DNAH6: variants seen among roughly 807,000 people sequenced by gnomAD.
The protein encoded by DNAH6 is axonemal beta dynein heavy chain 6.
DNAH6 carries 340 observed loss-of-function variants against 491.4 expected under a neutral mutation model. The observed-to-expected ratio is 0.69, with a 90% CI of 0.63 to 0.76. The LOEUF is 0.76. DNAH6 is among the 30% of genes least tolerant of loss of function. DNAH6 has a pLI of 0.00. For missense variants in DNAH6, 4,443 were observed against 4,972.2 expected (o/e 0.89, Z 3.20); for synonymous variants, 1,603 against 1,686.1 (o/e 0.95, Z 1.21).
Position 84,787,069 on chromosome 2 carries a change from C to T in DNAH6, c.11101-95C>T, listed in dbSNP as rs898740424. 284 of 933,990 alleles carry T rather than the reference C, an allele frequency of 3.0e-4. 2 individuals are homozygous for T. Among genetic ancestry groups the T allele is most frequent in the Middle Eastern group, 2.3e-4 (1 of 4,270 alleles). 57.9% of individuals were successfully genotyped at this position (933,990 alleles called of 1,614,324 possible). On this transcript the variant is annotated intron_variant, in intron 67 of 76. Coordinates refer to ENST00000389394, the MANE Select transcript of DNAH6 (RefSeq NM_001370.2). The stretch of plus-strand genomic sequence containing the variant: ...ACTGATTTTGCAGTGTGGGGATGCC[C>T]ATTTTCAATGGAAATTTCTTTTTAG...
chr2:84,818,639 T>C lies in DNAH6; in HGVS notation c.12374-666T>C, dbSNP rs192272736. Among the ~76,000 whole-genome samples the C allele has an allele frequency of 5.3e-5, 8 of 152,160 alleles. No individual in the cohort carries two copies. In the East Asian group the frequency reaches 1.5e-3, roughly 29 times the overall value. ...CATAAAATCCAGATTCTGGGAAACT[T>C]AACAGGACAAACAGTCTGGTTGTTT... On this transcript the variant is annotated intron_variant, in intron 76 of 76. Coordinates refer to ENST00000389394, the MANE Select transcript of DNAH6 (RefSeq NM_001370.2).
intron 70 of DNAH6, among the ~76,000 whole-genome samples, chr2:84,802,086 A>G (rs1227753301): frequency 6.6e-6 from 1 of 152,158 alleles, no homozygotes; most frequent in Non-Finnish European, 1.5e-5. Context: ...TGAAAGAACA[A>G]TACATGTAAC....
chr2:84,581,038 T>C (rs549860608), intron 14 of DNAH6, among the ~76,000 whole-genome samples: 11 of 152,344 alleles, frequency 7.2e-5, no homozygotes, highest in African/African-American at 2.6e-4. Context: ...TCCCAAGCTA[T>C]AGCTTGCAAG....
intron 59 of DNAH6, among the ~76,000 whole-genome samples, chr2:84,720,263 G>GC (rs1697973791): frequency 7.3e-6 from 1 of 137,204 alleles, no homozygotes; most frequent in African/African-American, 2.7e-5. Context: ...TTCCAAGAGT[G>GC]CTTCTTTTTT....
At chr2:84,499,824 G>A in the DNAH6 span, among the ~76,000 whole-genome samples, 1 of 151,514 alleles carries the variant, frequency 6.6e-6, no homozygotes, top group African/African-American at 2.4e-5. Context: ...TTTGACATTT[G>A]TGCATCTTCT....
chr2:84,627,203 G>T (rs904881361), intron 29 of DNAH6, among the ~76,000 whole-genome samples: 2 of 152,176 alleles, frequency 1.3e-5, no homozygotes, highest in South Asian at 2.1e-4. Flanking sequence ...AGGCTTTTTT[G>T]AAACAAACTT....
chr2:84,605,560 G>A lies in DNAH6; in HGVS notation c.3142G>A (p.Val1048Met), dbSNP rs1685679391. The A allele has an allele frequency of 6.4e-7, 1 of 1,551,470 alleles. No homozygotes were observed. Among genetic ancestry groups the A allele is most frequent in the Admixed American group, 2.0e-5 (1 of 50,964 alleles). Residue 1048 changes from valine (V) to methionine (M), a missense_variant, in exon 20 of 77, where the codon GTG becomes ATG. Val to Met is a conservative substitution (Grantham distance 21, BLOSUM62 1). This residue lies in a region of DNAH6 where 2,977 missense variants were observed against 3,296.6 expected (regional missense o/e 0.90). Transcript: ENST00000389394. ...TCTGCCTCACCGTGACTCCAAAGAT[G>A]TGTTTATACTGGGCGGCACAGATGA... The part of the protein sequence containing the change: ...VILPHRDSKD[V>M]FILGGTDDIQ...
rs1418968947 is a variant in DNAH6, at chr2:84,637,426, T to C, written c.4821+49T>C. ...CAGAAATGTAAACTTCTTTCTTTTA[T>C]TTACCATTCGATTCTATCAAGGTAG... is the stretch of plus-strand genomic sequence containing the variant. On this transcript the variant is annotated intron_variant, in intron 31 of 76. Transcript: ENST00000389394. 14 of 1,468,216 alleles carry C rather than the reference T, an allele frequency of 9.5e-6. No individual in the cohort carries two copies. The East Asian group carries it at 2.3e-4, about 24-fold the overall frequency. The allele number at this position is 1,468,216 out of a possible 1,614,324, so 90.9% of individuals were successfully genotyped here. A position where few individuals can be genotyped will look rare whatever the true frequency, so the allele number is the denominator to read the frequency against.
chr2:84,553,429 C>G (rs565981566), intron 10 of DNAH6, among the ~76,000 whole-genome samples: 21 of 111,542 alleles, frequency 1.9e-4, no homozygotes, highest in African/African-American at 6.2e-4. Flanking sequence ...TTCTTTCTTT[C>G]TTTCTTTTTC....
intron 63 of DNAH6, among the ~76,000 whole-genome samples, chr2:84,753,662 C>T (rs6752065): frequency 0.11 from 15,628 of 147,216 alleles, 846 homozygotes; most frequent in Middle Eastern, 0.11. Flanking sequence ...GAGGCTGAGG[C>T]AGGAGATTGG....
chr2:84,584,420 C>T, intron 15 of DNAH6, 170 bp downstream of exon 15: 1 of 657,908 alleles, frequency 1.5e-6, no homozygotes, highest in Non-Finnish European at 2.5e-6. Flanking sequence ...TTAATGTGTC[C>T]ATCACGTCAC....
intron 22 of DNAH6, 47 bp downstream of exon 22, chr2:84,611,901 T>A: frequency 6.7e-7 from 1 of 1,497,678 alleles, no homozygotes; most frequent in Non-Finnish European, 9.0e-7. Context: ...AATCTTTTAG[T>A]AGTCTGGGAC....
chr2:84,689,116 C>T (rs1694593750), intron 45 of DNAH6, among the ~76,000 whole-genome samples: 1 of 152,214 alleles, frequency 6.6e-6, no homozygotes, highest in African/African-American at 2.4e-5. Flanking sequence ...TCCTGTTTGA[C>T]AGTTCTAATG....
At chr2:84,789,744 C>T (rs186052500) in intron 68 of DNAH6, among the ~76,000 whole-genome samples, 2 of 152,298 alleles carry the variant, frequency 1.3e-5, no homozygotes, top group Non-Finnish European at 2.9e-5. Flanking sequence ...GAGTCCTTCT[C>T]CACTCCAACA....
At chr2:84,675,043 G>T (rs1693099432) in intron 40 of DNAH6, among the ~76,000 whole-genome samples, 1 of 152,186 alleles carries the variant, frequency 6.6e-6, no homozygotes, top group Non-Finnish European at 1.5e-5. Flanking sequence ...CTGCTCTCCA[G>T]CTCTTCCCTT....
At chr2:84,762,704 A>G (rs1674704354) in intron 63 of DNAH6, 51 bp from the exon 64 acceptor site, 1 of 1,363,658 alleles carries the variant, frequency 7.3e-7, no homozygotes, top group African/African-American at 1.5e-5. Context: ...TTAGGATAAA[A>G]TTATGAAGGA....
At chr2:84,656,931 G>A (rs1265622616) in intron 35 of DNAH6, among the ~76,000 whole-genome samples, 2 of 151,916 alleles carry the variant, frequency 1.3e-5, no homozygotes, top group African/African-American at 2.4e-5. Flanking sequence ...AAGTCATGTA[G>A]ATTTTCTCCT....
At chr2:84,538,409 A>G (rs1018108036) in intron 4 of DNAH6, among the ~76,000 whole-genome samples, 1 of 152,184 alleles carries the variant, frequency 6.6e-6, no homozygotes, top group South Asian at 2.1e-4. Flanking sequence ...TTTCAATTCT[A>G]TGATTTCATT....
chr2:84,610,043 G>T (rs555978570), intron 21 of DNAH6, among the ~76,000 whole-genome samples: 5 of 152,230 alleles, frequency 3.3e-5, no homozygotes, highest in Middle Eastern at 6.8e-3. Flanking sequence ...CAATCAAGAT[G>T]TCAGCCAGAC....
Sources: allele counts gnomAD v4.1 joint callset (sites outside exome capture counted in the v4.1 genomes callset), GRCh38; gene constraint gnomAD v4.1.1; regional missense constraint gnomAD v4.1.1; transcripts MANE v1.5; gene names NCBI Gene and HGNC (gene_info 2026-07-23, HGNC 2026-07-21).